The following RIGI variants were observed in gnomAD, a reference collection of about 807,000 sequenced individuals.
RIGI encodes the protein antiviral innate immune response receptor RIG-I.
At chr9:32,501,610 A>G in the RIGI span, among the ~76,000 whole-genome samples, 1 of 152,188 alleles carries the variant, frequency 6.6e-6, no homozygotes, top group African/African-American at 2.4e-5. Flanking sequence ...AACTTTGTAC[A>G]CTAATTTCAT....
At chr9:32,457,228 C>CGAA in the RIGI span, 3 of 1,614,114 alleles carry the variant, frequency 1.9e-6, no homozygotes, top group Non-Finnish European at 2.5e-6. Flanking sequence ...CACCACAAAA[C>CGAA]TTTCAATTTT....
chr9:32,479,742 C>T, the RIGI span, among the ~76,000 whole-genome samples: 2 of 150,516 alleles, frequency 1.3e-5, no homozygotes, highest in Non-Finnish European at 2.9e-5. Context: ...GAGGCTGAGA[C>T]ATGAGAATTG....
At chr9:32,508,239 A>ATTTTT in the RIGI span, among the ~76,000 whole-genome samples, 2,179 of 70,332 alleles carry the variant, frequency 0.031, 367 homozygotes, top group African/African-American at 0.12. Flanking sequence ...TATTTACTTA[A>ATTTTT]TTTTTTTTTT....
the RIGI span, chr9:32,457,310 A>G: frequency 1.2e-6 from 2 of 1,614,046 alleles, no homozygotes; most frequent in Non-Finnish European, 8.5e-7. Flanking sequence ...TGTCGGGCAC[A>G]GAATATCTTT....
At chr9:32,495,184 T>C in the RIGI span, among the ~76,000 whole-genome samples, 15,095 of 152,136 alleles carry the variant, frequency 0.099, 944 homozygotes, top group Middle Eastern at 0.27. Flanking sequence ...CTCACCTATA[T>C]GCATTATTTT....
At chr9:32,481,039 G>A in the RIGI span, among the ~76,000 whole-genome samples, 30 of 152,268 alleles carry the variant, frequency 2.0e-4, no homozygotes, top group African/African-American at 7.0e-4. Context: ...TCTTGTATCT[G>A]GAATAATGTT....
At chr9:32,516,448 T>C in the RIGI span, among the ~76,000 whole-genome samples, 1 of 152,194 alleles carries the variant, frequency 6.6e-6, no homozygotes, top group East Asian at 1.9e-4. Context: ...TGCTGTGGTC[T>C]AGGAGTCTCA....
At chr9:32,491,398 T>C in the RIGI span, 2 of 1,610,844 alleles carry the variant, frequency 1.2e-6, no homozygotes, top group Non-Finnish European at 1.7e-6. Context: ...CCTCAAGATC[T>C]TCTGTTTCAA....
At chr9:32,469,444 T>G in the RIGI span, among the ~76,000 whole-genome samples, 1 of 152,128 alleles carries the variant, frequency 6.6e-6, no homozygotes, top group Non-Finnish European at 1.5e-5. Context: ...TGTGGGGCAG[T>G]CATGAATGGA....
chr9:32,515,021 G>A, the RIGI span, among the ~76,000 whole-genome samples: 1 of 152,126 alleles, frequency 6.6e-6, no homozygotes, highest in Non-Finnish European at 1.5e-5. Context: ...TTTAAATGCT[G>A]CACAGAGTTT....
the RIGI span, chr9:32,487,538 C>T: frequency 2.2e-5 from 35 of 1,614,140 alleles, no homozygotes; most frequent in African/African-American, 3.2e-4. Context: ...CTATCACTGA[C>T]GCATCAAGAG....
chr9:32,489,518 G>A, the RIGI span: 2 of 915,354 alleles, frequency 2.2e-6, no homozygotes, highest in East Asian at 2.7e-5. Context: ...AATAGCTACA[G>A]TCTAATGTCC....
chr9:32,495,717 T>C, the RIGI span, among the ~76,000 whole-genome samples: 270 of 146,814 alleles, frequency 1.8e-3, no homozygotes, highest in Middle Eastern at 7.1e-3. Context: ...TGGAGTGCAG[T>C]GGCATGATCT....
At chr9:32,496,344 G>A in the RIGI span, among the ~76,000 whole-genome samples, 2 of 152,108 alleles carry the variant, frequency 1.3e-5, no homozygotes, top group Non-Finnish European at 2.9e-5. Flanking sequence ...ATTACTTTTG[G>A]GTGTGTCTGT....
the RIGI span, chr9:32,489,000 A>G: frequency 1.2e-6 from 1 of 842,192 alleles, no homozygotes. Flanking sequence ...ATTAATTGAT[A>G]ATTTAAATAT....
the RIGI span, among the ~76,000 whole-genome samples, chr9:32,476,285 C>T: frequency 1.3e-5 from 2 of 152,102 alleles, no homozygotes. Context: ...TATGTGAGGC[C>T]AGGAATTCAA....
the RIGI span, chr9:32,494,008 T>C: frequency 2.5e-6 from 3 of 1,210,428 alleles, no homozygotes; most frequent in South Asian, 4.4e-5. Context: ...GAGATTAGTA[T>C]CATAGAAATC....
At chr9:32,483,942 C>T in the RIGI span, among the ~76,000 whole-genome samples, 1 of 152,232 alleles carries the variant, frequency 6.6e-6, no homozygotes, top group Admixed American at 6.5e-5. Flanking sequence ...TTTGGTCTTA[C>T]CATCAGACTA....
At chr9:32,488,684 C>G in the RIGI span, 1 of 1,467,828 alleles carries the variant, frequency 6.8e-7, no homozygotes, top group South Asian at 1.5e-5. Flanking sequence ...GAAAACACAT[C>G]AATTACATGA....
Sources: gnomAD v4.1 joint callset for allele counts (sites outside exome capture counted in the v4.1 genomes callset) on GRCh38, gnomAD v4.1.1 for gene constraint, MANE v1.5 for transcripts, NCBI Gene and HGNC (gene_info 2026-07-23, HGNC 2026-07-21) for gene names.